The following RGS7 variants were observed in gnomAD, a reference collection of about 807,000 sequenced individuals.
RGS7 encodes the protein regulator of G protein signaling 7.
In RGS7, 27 loss-of-function variants were observed where a neutral mutation model predicts 81.1. The ratio of observed to expected loss-of-function variants is 0.33; its 90% CI spans 0.25 to 0.46. The LOEUF (loss-of-function observed/expected upper bound fraction) is 0.46. Ranked by LOEUF, RGS7 falls within the 20% of genes least tolerant of loss-of-function variation. The pLI, the probability that RGS7 is intolerant of heterozygous loss-of-function variation, is 1.00. For synonymous variants in RGS7, 208 were observed against 207.7 expected, an observed-to-expected ratio of 1.00 and a Z score of -0.01; for missense variants, 396 against 607.4, an observed-to-expected ratio of 0.65 and a Z score of 3.66.
chr1:241,132,377 C>G (rs1416150304), intron 2 of RGS7: 1 of 154,660 alleles, frequency 6.5e-6, no homozygotes, highest in Non-Finnish European at 1.5e-5. Context: ...AGCACCTATG[C>G]TGGGCCAGAG....
rs141948799 is a variant in RGS7 at position 240,802,176 on chromosome 1, A to C, written c.1360-668T>G. Among the ~76,000 whole-genome samples, 60 of 152,316 alleles carry C rather than the reference A, an allele frequency of 3.9e-4. No homozygotes were observed. In the South Asian group the frequency reaches 5.6e-3, roughly 14 times the overall value. ...ACGATCATGAACTACACAAAATTAT[A>C]ATTTAAACTCAGAGTTTCAAGAAGC... On this transcript the variant is annotated intron_variant, in intron 16 of 18. Coordinates refer to ENST00000440928, the MANE Select transcript of RGS7 (RefSeq NM_001364886.1).
intron 2 of RGS7, among the ~76,000 whole-genome samples, chr1:241,170,561 A>T (rs2070657527): frequency 6.6e-6 from 1 of 152,170 alleles, no homozygotes. Flanking sequence ...CTTACTATGT[A>T]TCTGAGGCAC....
intron 3 of RGS7, among the ~76,000 whole-genome samples, chr1:241,010,290 G>A (rs1351819747): frequency 6.6e-6 from 1 of 152,180 alleles, no homozygotes; most frequent in Non-Finnish European, 1.5e-5. Context: ...ACCTGATCAT[G>A]GTACCAGTCC....
intron 2 of RGS7, among the ~76,000 whole-genome samples, chr1:241,346,194 T>C (rs2082886503): frequency 6.6e-6 from 1 of 152,166 alleles, no homozygotes; most frequent in Non-Finnish European, 1.5e-5. Context: ...ATAGTATTTA[T>C]TTTAGAAACC....
chr1:240,900,072 C>T (rs1162897710), intron 6 of RGS7, among the ~76,000 whole-genome samples: 2 of 152,156 alleles, frequency 1.3e-5, no homozygotes, highest in Non-Finnish European at 2.9e-5. Flanking sequence ...TCCACTTGAT[C>T]GAATCGGCTA....
intron 2 of RGS7, among the ~76,000 whole-genome samples, chr1:241,171,912 ACT>A (rs1195089704): frequency 2.0e-5 from 3 of 152,112 alleles, no homozygotes; most frequent in South Asian, 2.1e-4. Context: ...AAAAGGACTG[ACT>A]CTGTTTCTTT....
chr1:241,060,502 A>C (rs192787605), intron 3 of RGS7, among the ~76,000 whole-genome samples: 88 of 152,266 alleles, frequency 5.8e-4, no homozygotes, highest in Non-Finnish European at 2.2e-4. Flanking sequence ...TTTTCCTCTT[A>C]AGGAAGGAGT....
At chr1:241,293,023 TATATATCA>T (rs1182704028) in intron 2 of RGS7, among the ~76,000 whole-genome samples, 1 of 152,236 alleles carries the variant, frequency 6.6e-6, no homozygotes, top group Non-Finnish European at 1.5e-5. Flanking sequence ...GCAAAAGCTG[TATATATCA>T]ACTTTACAAA....
intron 3 of RGS7, among the ~76,000 whole-genome samples, chr1:241,015,317 A>G (rs1464939398): frequency 2.6e-5 from 4 of 152,202 alleles, no homozygotes; most frequent in African/African-American, 9.7e-5. Flanking sequence ...GTAGCTTAGA[A>G]CAAAAAATAT....
chr1:240,801,275 A>G (rs774988941), intron 17 of RGS7, among the ~76,000 whole-genome samples, 180 bp downstream of exon 17: 4 of 152,126 alleles, frequency 2.6e-5, no homozygotes, highest in Non-Finnish European at 5.9e-5. Context: ...ATCTTTTTCT[A>G]CTTTGGAAAG....
At chr1:241,013,726 G>T (rs2059088571) in intron 3 of RGS7, among the ~76,000 whole-genome samples, 1 of 152,130 alleles carries the variant, frequency 6.6e-6, no homozygotes, top group African/African-American at 2.4e-5. Context: ...AAAGCAAAAA[G>T]AAATGACCCC....
chr1:240,791,336 G>T (rs1376404344), intron 18 of RGS7, among the ~76,000 whole-genome samples: 1 of 152,184 alleles, frequency 6.6e-6, no homozygotes, highest in Non-Finnish European at 1.5e-5. Flanking sequence ...AAGAGGGCAG[G>T]AGATTTTGCC....
At chr1:240,991,377 A>C (rs1050287053) in intron 3 of RGS7, among the ~76,000 whole-genome samples, 4 of 152,158 alleles carry the variant, frequency 2.6e-5, no homozygotes, top group Non-Finnish European at 5.9e-5. Context: ...GGTAATGGAG[A>C]CCACCCTCAG....
intron 2 of RGS7, among the ~76,000 whole-genome samples, chr1:241,121,710 CTTTTTTTTTTTTT>C (rs10681773): frequency 7.5e-5 from 5 of 66,404 alleles, no homozygotes; most frequent in East Asian, 1.1e-3. Flanking sequence ...TGCAATTGTT[CTTTTTTTTTTTTT>C]TTTTTTTTTT....
intron 6 of RGS7, among the ~76,000 whole-genome samples, chr1:240,898,578 T>C (rs1003225170): frequency 6.6e-6 from 1 of 152,198 alleles, no homozygotes; most frequent in African/African-American, 2.4e-5. Flanking sequence ...TCAGTTTCCA[T>C]GTAGTTGAGC....
intron 2 of RGS7, among the ~76,000 whole-genome samples, chr1:241,189,689 T>C (rs899861433): frequency 2.0e-5 from 3 of 152,236 alleles, no homozygotes; most frequent in South Asian, 2.1e-4. Flanking sequence ...TGAGTTAATA[T>C]ATTTAAAGTT....
chr1:241,342,750 T>C lies in RGS7; in HGVS notation c.78+12949A>G, dbSNP rs183383035. ...AGATTGTCCGAAGAATATATATAAA[T>C]GCCAGTGAGCACTTGAAAAGATGCT... is the stretch of plus-strand genomic sequence containing the variant. On this transcript the variant is annotated intron_variant, in intron 2 of 18. Coordinates refer to ENST00000440928, the MANE Select transcript of RGS7 (RefSeq NM_001364886.1). 3.3e-5 allele frequency among the ~76,000 whole-genome samples: 5 copies of C among 152,294 alleles called. No individual in the cohort carries two copies. The East Asian group carries it at 5.8e-4, about 18-fold the overall frequency.
At chr1:240,985,226 G>A (rs189736646) in intron 3 of RGS7, among the ~76,000 whole-genome samples, 7 of 152,258 alleles carry the variant, frequency 4.6e-5, no homozygotes, top group Admixed American at 2.6e-4. Context: ...CAAATCTTCC[G>A]CACAAGCCCC....
At chr1:241,118,455 A>T (rs761117614) in intron 2 of RGS7, among the ~76,000 whole-genome samples, 51 of 152,278 alleles carry the variant, frequency 3.3e-4, no homozygotes, top group Middle Eastern at 6.8e-3. Flanking sequence ...GATTTTTTTT[A>T]AAAAATCAAA....
Sources: allele counts gnomAD v4.1 joint callset (sites outside exome capture counted in the v4.1 genomes callset), GRCh38; gene constraint gnomAD v4.1.1; transcripts MANE v1.5; gene names NCBI Gene and HGNC (gene_info 2026-07-23, HGNC 2026-07-21).